ABCA8: variants seen among roughly 807,000 people sequenced by gnomAD.
ABCA8 encodes the protein ABC-type organic anion transporter ABCA8.
A neutral mutation model predicts 192.3 loss-of-function variants in ABCA8; 177 were observed. That is an observed-to-expected ratio of 0.92 (90% CI 0.81 to 1.04). The LOEUF is 1.04. ABCA8 is among the 50% of genes least tolerant of loss of function. The pLI is 0.00. For missense variants in ABCA8, 1,915 were observed against 1,904.8 expected (o/e 1.01, Z -0.10); for synonymous variants, 642 against 690.2 (o/e 0.93, Z 1.09).
At chr17:68,935,570 T>TATATATATATATATATATATATA (rs1389554406) in intron 5 of ABCA8, among the ~76,000 whole-genome samples, 7 of 48,404 alleles carry the variant, frequency 1.4e-4, no homozygotes, top group Non-Finnish European at 3.1e-4. Flanking sequence ...ATATATATAT[T>TATATATATATATATATATATATA]ATCTTCTTTA....
Position 68,941,965 on chromosome 17 carries a change from A to AT in ABCA8, c.69dup (p.Trp24MetfsTer27). On this transcript the variant is annotated frameshift_variant, in exon 3 of 40. Transcript: ENST00000586539. LOFTEE classifies it high-confidence loss of function. Reference sequence around the variant, plus strand: ...ATTAAGGACTCTCTTTTCATTCTCCATTTTTTAAGAAAGTTCTTGCATAAT... The same window carrying AT: ...ATTAAGGACTCTCTTTTCATTCTCCATTTTTTTAAGAAAGTTCTTGCATAAT... The AT allele has an allele frequency of 6.2e-7, 1 of 1,612,466 alleles. No homozygotes were observed. Among genetic ancestry groups the AT allele is most frequent in the Non-Finnish European group, 8.5e-7 (1 of 1,178,738 alleles).
chr17:68,887,906 A>ATATATATATATATATATATATC (rs370830810), intron 24 of ABCA8, among the ~76,000 whole-genome samples: 3 of 60,874 alleles, frequency 4.9e-5, no homozygotes, highest in African/African-American at 2.8e-4. Context: ...ATATATATAT[A>ATATATATATATATATATATATC]TCCATATATA....
At position 68,868,356 on chromosome 17, in the gene ABCA8, A is replaced by G. The variant is rs1462857396; in HGVS notation, c.4712T>C (p.Val1571Ala). 4.3e-6 allele frequency: 7 copies of G among 1,612,866 alleles called. No individual in the cohort carries two copies. The highest frequency in any genetic ancestry group is 5.9e-6 in the Non-Finnish European group (7 of 1,178,910). The stretch of plus-strand genomic sequence containing the variant: ...CTCCTCTAGGTCAAAGCTCTGTTTA[A>G]CTGCATAGGGATGAACATGTATTAG... ...LAQAFFKLEKVKQSFDLEEYS... is the reference protein window; with the variant it reads ...LAQAFFKLEKAKQSFDLEEYS... Residue 1571 changes from valine (V) to alanine (A), a missense_variant and splice_region_variant, in exon 39 of 40, where the codon GTT (valine) becomes GCT (alanine). Physicochemically the swap from Val to Ala is moderately conservative, Grantham distance 64. Coordinates refer to ENST00000586539, the MANE Select transcript of ABCA8 (RefSeq NM_001288985.2).
At chr17:68,891,832 GAAC>G (rs915345366) in intron 23 of ABCA8, among the ~76,000 whole-genome samples, 1 of 152,060 alleles carries the variant, frequency 6.6e-6, no homozygotes, top group African/African-American at 2.4e-5. Context: ...AAAATAATAA[GAAC>G]AAGATTTTTC....
At chr17:68,952,249 C>T (rs571898221) in intron 1 of ABCA8, among the ~76,000 whole-genome samples, 5 of 152,190 alleles carry the variant, frequency 3.3e-5, no homozygotes, top group South Asian at 2.1e-4. Flanking sequence ...GATGGAGTCT[C>T]GCTCTGTCGC....
intron 2 of ABCA8, among the ~76,000 whole-genome samples, chr17:68,943,707 A>G (rs866787409): frequency 6.6e-6 from 1 of 152,204 alleles, no homozygotes; most frequent in Non-Finnish European, 1.5e-5. Context: ...AGTATTAGAG[A>G]AAGACATGGC....
At chr17:68,937,925 A>T (rs59803786) in intron 4 of ABCA8, among the ~76,000 whole-genome samples, 3 of 152,170 alleles carry the variant, frequency 2.0e-5, no homozygotes, top group African/African-American at 7.2e-5. Flanking sequence ...CTCTTTTTAC[A>T]GAATACAGTT....
chr17:68,892,442 C>G (rs562602226), intron 23 of ABCA8, among the ~76,000 whole-genome samples: 5 of 152,146 alleles, frequency 3.3e-5, no homozygotes, highest in African/African-American at 1.2e-4. Flanking sequence ...TCTGACTTTG[C>G]GGGCAATGAG....
chr17:68,888,914 T>C (rs1490942906), intron 24 of ABCA8, among the ~76,000 whole-genome samples: 1 of 152,116 alleles, frequency 6.6e-6, no homozygotes, highest in Non-Finnish European at 1.5e-5. Flanking sequence ...ATTTCCAAAA[T>C]TTAAATATTA....
chr17:68,882,893 G>GT (rs996721360), intron 29 of ABCA8, among the ~76,000 whole-genome samples, 174 bp from the exon 30 acceptor site: 6 of 152,130 alleles, frequency 3.9e-5, no homozygotes, highest in Non-Finnish European at 7.4e-5. Context: ...ATAGAAATAT[G>GT]TTTTTTTCAA....
intron 21 of ABCA8, among the ~76,000 whole-genome samples, chr17:68,898,961 AGAAAG>A (rs1567840988): frequency 6.6e-6 from 1 of 152,136 alleles, no homozygotes; most frequent in Non-Finnish European, 1.5e-5. Context: ...AGCTGAGAGA[AGAAAG>A]GAGAGTAAGT....
At position 68,921,455 on chromosome 17, in the gene ABCA8, T is replaced by C. The variant is rs1216787794; in HGVS notation, c.1539A>G (p.Ala513=). The change falls in exon 13 of 40, where the codon GCA becomes GCG. Residue 513 remains alanine, a synonymous_variant. Coordinates refer to ENST00000586539, the MANE Select transcript of ABCA8 (RefSeq NM_001288985.2). Reference sequence around the variant, plus strand: ...TTCCAGCTCCACTGTGACCAAGTATTGCAGTGATTTGGCCTTCGTAAATGT... The same window carrying C: ...TTCCAGCTCCACTGTGACCAAGTATCGCAGTGATTTGGCCTTCGTAAATGT... ...VFDIYEGQIT[A]ILGHSGAGKS... 10 of 1,609,008 alleles carry C rather than the reference T, an allele frequency of 6.2e-6. No homozygotes were observed. Among genetic ancestry groups the C allele is most frequent in the Non-Finnish European group, 7.6e-6 (9 of 1,176,796 alleles).
At chr17:68,902,635 T>G in intron 21 of ABCA8, 78 bp downstream of exon 21, 1 of 1,239,426 alleles carries the variant, frequency 8.1e-7, no homozygotes, top group Non-Finnish European at 1.1e-6. Flanking sequence ...AAAAGCTATT[T>G]TCTTTCTCAT....
rs2065995281 is a variant in ABCA8, at chr17:68,869,558, G to T, written c.4711+142C>A. The stretch of plus-strand genomic sequence containing the variant: ...AGAATCCCTCTATCTCCTTGGTTTG[G>T]GTCTTCCTAAAATTCAATTTGAGAC... On this transcript the variant is annotated intron_variant, in intron 38 of 39. Transcript: ENST00000586539. The T allele has an allele frequency of 7.7e-6, 5 of 652,756 alleles. No homozygotes were observed. The Admixed American group carries it at 1.1e-4, about 15-fold the overall frequency. 40.4% of individuals were successfully genotyped at this position (652,756 alleles called of 1,614,324 possible).
intron 17 of ABCA8, among the ~76,000 whole-genome samples, 197 bp from the exon 18 acceptor site, chr17:68,908,076 T>C (rs1048916753): frequency 6.6e-6 from 1 of 151,978 alleles, no homozygotes; most frequent in Non-Finnish European, 1.5e-5. Flanking sequence ...CATATAAATG[T>C]GATGGACAAA....
At position 68,940,887 on chromosome 17, in the gene ABCA8, A is replaced by G. The variant is rs2068208078; in HGVS notation, c.172T>C (p.Ser58Pro). ...CGTCCCAGGTCCATGGTAAGCAGTG[A>G]AGAAAAATCATTTACTTGATGACTA... Reference protein sequence around the residue: ...PHSHQVNDFSSLLTMDLGRVD... With the variant: ...PHSHQVNDFSPLLTMDLGRVD... Residue 58 changes from serine (S) to proline (P), a missense_variant, in exon 4 of 40, where the codon TCA becomes CCA. Ser to Pro is a moderately conservative substitution (Grantham distance 74). Transcript: ENST00000586539. 1.9e-6 allele frequency: 3 copies of G among 1,613,030 alleles called. No individual in the cohort carries two copies. Among genetic ancestry groups the G allele is most frequent in the Non-Finnish European group, 2.5e-6 (3 of 1,179,174 alleles).
chr17:68,905,302 C>T (rs2067036604), intron 19 of ABCA8, among the ~76,000 whole-genome samples: 1 of 152,168 alleles, frequency 6.6e-6, no homozygotes, highest in Non-Finnish European at 1.5e-5. Context: ...AAATCAGAGT[C>T]AGTTACTGAT....
intron 37 of ABCA8, among the ~76,000 whole-genome samples, chr17:68,873,712 G>A (rs959609515): frequency 1.3e-5 from 2 of 152,092 alleles, no homozygotes; most frequent in African/African-American, 4.8e-5. Flanking sequence ...CATCCATTTT[G>A]AGTTGATTTT....
Position 68,929,679 on chromosome 17 carries a change from G to C in ABCA8, c.821C>G (p.Ala274Gly). 1.2e-6 allele frequency: 2 copies of C among 1,613,044 alleles called. No individual in the cohort carries two copies. Among genetic ancestry groups the C allele is most frequent in the East Asian group, 4.5e-5 (2 of 44,830 alleles). ...AFWLSWGLLY[A>G]GFIFIMALFL... The stretch of plus-strand genomic sequence containing the variant: ...AAGGGCCATAATGAAGATGAAACCA[G>C]CATAGAGCAAACCCCAGGAGAGCCT... Residue 274 changes from alanine to glycine, a missense_variant, in exon 8 of 40, where the codon GCT becomes GGT. Coordinates refer to ENST00000586539, the MANE Select transcript of ABCA8 (RefSeq NM_001288985.2).
Sources: allele counts gnomAD v4.1 joint callset (sites outside exome capture counted in the v4.1 genomes callset), GRCh38; gene constraint gnomAD v4.1.1; transcripts MANE v1.5; gene names NCBI Gene and HGNC (gene_info 2026-07-23, HGNC 2026-07-21).